CTTNBP2: variants seen among roughly 807,000 people sequenced by gnomAD.
CTTNBP2 encodes the protein cortactin-binding protein 2.
A neutral mutation model predicts 156.9 loss-of-function variants in CTTNBP2; 108 were observed. The observed-to-expected ratio is 0.69, with a 90% confidence interval of 0.59 to 0.81. The LOEUF is 0.81. Among genes scored for constraint, CTTNBP2 ranks in the 30% least tolerant of loss-of-function variants. The pLI, the probability that CTTNBP2 is intolerant of heterozygous loss-of-function variation, is 0.00. For synonymous variants in CTTNBP2, 767 were observed against 751.8 expected (o/e 1.02, Z -0.33); for missense variants, 1,924 against 2,035.4 (o/e 0.95, Z 1.05).
intron 12 of CTTNBP2, among the ~76,000 whole-genome samples, chr7:117,748,176 CATT>C (rs1355162527): frequency 6.6e-6 from 1 of 152,092 alleles, no homozygotes; most frequent in African/African-American, 2.4e-5. Flanking sequence ...TGCAGGGATA[CATT>C]ATTATTAAAT....
intron 9 of CTTNBP2, among the ~76,000 whole-genome samples, chr7:117,766,201 A>G (rs1193228048): frequency 6.6e-6 from 1 of 152,226 alleles, no homozygotes; most frequent in Non-Finnish European, 1.5e-5. Flanking sequence ...ACACTGTTTC[A>G]GACACTGAGC....
intron 2 of CTTNBP2, among the ~76,000 whole-genome samples, chr7:117,811,513 G>T (rs1800279025): frequency 6.6e-6 from 1 of 152,042 alleles, no homozygotes; most frequent in South Asian, 2.1e-4. Context: ...TTGTTGTCCA[G>T]GCTGGTCTCA....
chr7:117,826,571 T>C (rs1185341105), intron 2 of CTTNBP2, among the ~76,000 whole-genome samples: 1 of 152,094 alleles, frequency 6.6e-6, no homozygotes, highest in Non-Finnish European at 1.5e-5. Context: ...ACAAAAGCCA[T>C]TCACTTACTG....
chr7:117,810,373 CTAGA>C (rs1479659379), intron 3 of CTTNBP2, among the ~76,000 whole-genome samples: 5 of 152,138 alleles, frequency 3.3e-5, no homozygotes, highest in African/African-American at 1.2e-4. Flanking sequence ...TAGACAGAAG[CTAGA>C]TACAGTAAGT....
At chr7:117,773,002 C>A (rs1442260023) in intron 8 of CTTNBP2, among the ~76,000 whole-genome samples, 1 of 151,940 alleles carries the variant, frequency 6.6e-6, no homozygotes, top group Non-Finnish European at 1.5e-5. Context: ...TTTTCCAGAA[C>A]AATTTTTTAA....
chr7:117,813,897 T>TA, intron 2 of CTTNBP2, among the ~76,000 whole-genome samples: 1 of 152,332 alleles, frequency 6.6e-6, no homozygotes, highest in East Asian at 1.9e-4. Context: ...ATGAAAGGTT[T>TA]AAAAGTCAAC....
At chr7:117,747,949 G>A (rs528145381) in intron 12 of CTTNBP2, among the ~76,000 whole-genome samples, 3 of 152,216 alleles carry the variant, frequency 2.0e-5, no homozygotes, top group South Asian at 2.1e-4. Context: ...CTGGGTTTTA[G>A]GCTCTGAAAG....
chr7:117,746,104 T>C lies in CTTNBP2; in HGVS notation c.3349-5A>G. ...GACATTATGATATTGCTCAACCTATTAACAAACCAAGTAGAGAGCTAGGGT... is the reference window on the plus strand; with the variant it reads ...GACATTATGATATTGCTCAACCTATCAACAAACCAAGTAGAGAGCTAGGGT... On this transcript the variant is annotated splice_region_variant and splice_polypyrimidine_tract_variant and intron_variant, in intron 12 of 22. Coordinates refer to ENST00000160373, the MANE Select transcript of CTTNBP2 (RefSeq NM_033427.3). 6.2e-7 allele frequency: 1 copy of C among 1,609,194 alleles called. No homozygotes were observed. Among genetic ancestry groups the C allele is most frequent in the South Asian group, 1.1e-5 (1 of 90,958 alleles).
chr7:117,853,049 C>T (rs762768155), intron 2 of CTTNBP2, among the ~76,000 whole-genome samples: 17 of 152,016 alleles, frequency 1.1e-4, no homozygotes, highest in Admixed American at 2.6e-4. Flanking sequence ...TATGAAGTGC[C>T]GGACATATAA....
intron 14 of CTTNBP2, among the ~76,000 whole-genome samples, chr7:117,736,323 G>A (rs1313052462): frequency 2.6e-5 from 4 of 152,082 alleles, no homozygotes; most frequent in Admixed American, 2.6e-4. Flanking sequence ...AGATAGGGTG[G>A]CAGGCACCTG....
chr7:117,780,706 A>G, intron 6 of CTTNBP2, 115 bp from the exon 7 acceptor site: 1 of 502,448 alleles, frequency 2.0e-6, no homozygotes, highest in Non-Finnish European at 3.4e-6. Context: ...ATATACATCA[A>G]TTGTTTCTAT....
At chr7:117,728,293 A>AG (rs770506966) in intron 16 of CTTNBP2, 26 bp from the exon 17 acceptor site, 10 of 1,569,160 alleles carry the variant, frequency 6.4e-6, no homozygotes, top group Non-Finnish European at 8.7e-6. Context: ...GGTGGAACCC[A>AG]GGGGCTTGGT....
At chr7:117,759,802 T>C (rs1439189934) in intron 10 of CTTNBP2, among the ~76,000 whole-genome samples, 2 of 152,196 alleles carry the variant, frequency 1.3e-5, no homozygotes, top group Non-Finnish European at 2.9e-5. Flanking sequence ...GGGGCAGATT[T>C]CCCATAGAAG....
intron 2 of CTTNBP2, among the ~76,000 whole-genome samples, chr7:117,852,934 C>G (rs1803027361): frequency 6.6e-6 from 1 of 152,078 alleles, no homozygotes; most frequent in Admixed American, 6.5e-5. Flanking sequence ...GGTTAGGAGT[C>G]AGACAGAAAA....
intron 2 of CTTNBP2, among the ~76,000 whole-genome samples, chr7:117,828,910 A>G (rs1475436408): frequency 6.6e-6 from 1 of 152,236 alleles, no homozygotes; most frequent in Non-Finnish European, 1.5e-5. Context: ...ATTATAAAAC[A>G]GTGAAATGTA....
intron 11 of CTTNBP2, among the ~76,000 whole-genome samples, chr7:117,757,630 G>T (rs1796959917): frequency 6.6e-6 from 1 of 151,396 alleles, no homozygotes; most frequent in South Asian, 2.1e-4. Flanking sequence ...TCCAGTGAGT[G>T]ATGCAATCAG....
rs373010188 is a variant in CTTNBP2, at chr7:117,745,859, T to C, written c.3507A>G (p.Glu1169=). 3.1e-6 allele frequency: 5 copies of C among 1,613,830 alleles called. No individual in the cohort carries two copies. In the African/African-American group the frequency reaches 6.7e-5, roughly 22 times the overall value. The stretch of plus-strand genomic sequence containing the variant: ...TACTAATGAACAGGTCTAGTAGCTG[T>C]TCCTTGGAAAAACCAGCATCTACTT... The part of the protein sequence containing the change: ...RAEVDAGFSK[E]QLLDLFISSA... Residue 1169 remains glutamate (E), a synonymous_variant, in exon 14 of 23, where the codon GAA becomes GAG. Coordinates refer to ENST00000160373, the MANE Select transcript of CTTNBP2 (RefSeq NM_033427.3).
chr7:117,798,481 G>T (rs1254939673), intron 3 of CTTNBP2, among the ~76,000 whole-genome samples: 1 of 152,070 alleles, frequency 6.6e-6, no homozygotes, highest in African/African-American at 2.4e-5. Flanking sequence ...TTGCTAAATA[G>T]TAAAGAGGAT....
intron 2 of CTTNBP2, among the ~76,000 whole-genome samples, chr7:117,855,312 C>A (rs771772535): frequency 1.2e-4 from 19 of 152,138 alleles, no homozygotes; most frequent in South Asian, 2.1e-4. Context: ...AGAGTTCCAC[C>A]ACATTGGCCA....
Sources: allele counts gnomAD v4.1 joint callset (sites outside exome capture counted in the v4.1 genomes callset), GRCh38; gene constraint gnomAD v4.1.1; transcripts MANE v1.5; gene names NCBI Gene and HGNC (gene_info 2026-07-23, HGNC 2026-07-21).